CHD8: variants seen among roughly 807,000 people sequenced by gnomAD.
The protein encoded by CHD8 is ATP-dependent chromatin remodeler CHD8.
A neutral mutation model predicts 279.2 loss-of-function variants in CHD8; 31 were observed. The observed-to-expected ratio is 0.11, with a 90% CI of 0.08 to 0.15. The LOEUF is 0.15. Ranked by LOEUF, CHD8 falls within the 10% of genes least tolerant of loss-of-function variation. The pLI, the probability that CHD8 is intolerant of heterozygous loss-of-function variation, is 1.00. For missense variants in CHD8, 2,146 were observed against 3,230.5 expected, an observed-to-expected ratio of 0.66 and a Z score of 8.14; for synonymous variants, 1,081 against 1,139.6, an observed-to-expected ratio of 0.95 and a Z score of 1.04.
In CHD8 at chr14:21,392,545, C is replaced by G. The variant is rs769311687; in HGVS notation, c.6733G>C (p.Gly2245Arg). 5.6e-6 allele frequency: 9 copies of G among 1,613,000 alleles called. 1 individual carries two copies. The South Asian group carries it at 8.8e-5, about 16-fold the overall frequency. ...ACTGTAAACTCCTTTTCATCCATGC[C>G]TCGGCGAAGTTTGGTGAACTGGGCT... ...AAAQFTKLRR[G>R]MDEKEFTVQI... The change falls in exon 34 of 38, where the codon GGC (glycine) becomes CGC (arginine). Residue 2245 changes from glycine to arginine, a missense_variant. Physicochemically the swap from Gly to Arg is moderately radical, Grantham distance 125. Around this residue, in one of 26 missense-constraint regions of CHD8, gnomAD observed 513 missense variants for 637.6 expected, o/e 0.80. Transcript: ENST00000646647.
rs771590165 is a variant in CHD8, at chr14:21,386,100, C to T, written c.7259G>A (p.Arg2420His). The change falls in exon 38 of 38, where the codon CGT becomes CAT. Residue 2420 changes from arginine (R) to histidine (H), a missense_variant. Around this residue, in one of 26 missense-constraint regions of CHD8, gnomAD observed 336 missense variants for 392.9 expected, o/e 0.86. Transcript: ENST00000646647. ...CTTAGAAAGGTCTGGTCGCATCCTA[C>T]GGGCCCGCTTCTTGCTGCTCTCTGG... ...IAPESSKKRA[R>H]RMRPDLSKMM... 1.2e-5 allele frequency: 19 copies of T among 1,559,632 alleles called. No individual in the cohort carries two copies. Among genetic ancestry groups the T allele is most frequent in the Middle Eastern group, 1.7e-4 (1 of 6,024 alleles).
chr14:21,452,782 A>G (rs1196145071), intron 1 of CHD8, among the ~76,000 whole-genome samples: 2 of 151,886 alleles, frequency 1.3e-5, no homozygotes, highest in Non-Finnish European at 2.9e-5. Context: ...TCAGGAGTTA[A>G]AGACCAGCCT....
chr14:21,415,033 T>G (rs757878532), intron 7 of CHD8, 40 bp from the exon 8 acceptor site: 8 of 1,357,214 alleles, frequency 5.9e-6, no homozygotes, highest in Non-Finnish European at 8.2e-6. Context: ...GTCCCTTATT[T>G]GTAAAAGAAT....
chr14:21,406,245 T>A (rs575738889), intron 14 of CHD8, among the ~76,000 whole-genome samples: 1 of 152,370 alleles, frequency 6.6e-6, no homozygotes, highest in East Asian at 1.9e-4. Context: ...ATTAATTTGC[T>A]GCTGTTCCTC....
chr14:21,438,676 T>A (rs1048964308), intron 1 of CHD8, among the ~76,000 whole-genome samples: 1 of 151,022 alleles, frequency 6.6e-6, no homozygotes, highest in Non-Finnish European at 1.5e-5. Flanking sequence ...CTACTAAAAA[T>A]ACAAAAATTA....
At chr14:21,407,057 G>GA (rs1423836303) in intron 13 of CHD8, 25 bp from the exon 14 acceptor site, 1 of 1,526,206 alleles carries the variant, frequency 6.6e-7, no homozygotes, top group Non-Finnish European at 8.8e-7. Flanking sequence ...AGTAAAGTCA[G>GA]AAAAAACCAA....
At chr14:21,388,751 T>C (rs1462662325) in intron 37 of CHD8, among the ~76,000 whole-genome samples, 1 of 152,150 alleles carries the variant, frequency 6.6e-6, no homozygotes, top group African/African-American at 2.4e-5. Context: ...CCCAAAGTGC[T>C]GGGATTACAG....
At chr14:21,401,690 T>C (rs753567591) in intron 20 of CHD8, 177 bp from the exon 21 acceptor site, 4 of 582,032 alleles carry the variant, frequency 6.9e-6, no homozygotes, top group East Asian at 3.0e-5. Flanking sequence ...GTTCAAGTGA[T>C]TCTCCTGCCT....
chr14:21,413,576 G>A (rs1315922603), intron 9 of CHD8: 1 of 153,054 alleles, frequency 6.5e-6, no homozygotes, highest in Admixed American at 6.5e-5. Flanking sequence ...TGTATTTTTA[G>A]TAGAGACGGG....
chr14:21,442,091 A>AAAACTG (rs1889991356), intron 1 of CHD8, among the ~76,000 whole-genome samples: 1 of 152,216 alleles, frequency 6.6e-6, no homozygotes, highest in Admixed American at 6.5e-5. Context: ...AAGGATAGGA[A>AAAACTG]AAACTGCAAG....
At chr14:21,446,799 G>A (rs1890133663) in intron 1 of CHD8, among the ~76,000 whole-genome samples, 1 of 152,086 alleles carries the variant, frequency 6.6e-6, no homozygotes, top group Admixed American at 6.6e-5. Flanking sequence ...TATGCTCTAG[G>A]TTACATGCCC....
intron 1 of CHD8, among the ~76,000 whole-genome samples, chr14:21,435,594 C>T (rs1189692224): frequency 6.6e-6 from 1 of 152,170 alleles, no homozygotes; most frequent in Non-Finnish European, 1.5e-5. Flanking sequence ...CCATCTCAAT[C>T]TCTCCATACC....
intron 5 of CHD8, among the ~76,000 whole-genome samples, chr14:21,418,430 G>A (rs930575128): frequency 3.3e-5 from 5 of 152,158 alleles, no homozygotes; most frequent in Non-Finnish European, 5.9e-5. Context: ...TGAGGCATGA[G>A]GATCACTTGA....
chr14:21,419,177 A>G (rs990964963), intron 5 of CHD8, among the ~76,000 whole-genome samples: 3 of 152,210 alleles, frequency 2.0e-5, no homozygotes, highest in African/African-American at 7.2e-5. Context: ...GATTTTTATC[A>G]CATCCATCAT....
chr14:21,407,508 T>TA lies in CHD8; in HGVS notation c.2731-477dup, dbSNP rs556045195. ...ATGAAAAGATGTGATTTGGTAGAAA[T>TA]AAAAAAAAGAAAACTAATAGAGAAA... is the stretch of plus-strand genomic sequence containing the variant. On this transcript the variant is annotated intron_variant, in intron 13 of 37. Coordinates refer to ENST00000646647, the MANE Select transcript of CHD8 (RefSeq NM_001170629.2). 3.1e-3 allele frequency among the ~76,000 whole-genome samples: 474 copies of TA among 151,918 alleles called. 2 individuals are homozygous for TA. Among genetic ancestry groups the TA allele is most frequent in the Admixed American group, 4.6e-3 (71 of 15,270 alleles).
rs1383175266 is a variant in CHD8, at chr14:21,405,569, T to C, written c.3052-105A>G. 2.7e-6 allele frequency: 4 copies of C among 1,495,560 alleles called. No individual in the cohort carries two copies. In the African/African-American group the frequency reaches 5.6e-5, roughly 21 times the overall value. 92.6% of individuals were successfully genotyped at this position (1,495,560 alleles called of 1,614,324 possible). A position where few individuals can be genotyped will look rare whatever the true frequency, so the allele number is the denominator to read the frequency against. The stretch of plus-strand genomic sequence containing the variant: ...TTAGAGTTTTCCACTATCTAAGAAA[T>C]GTATACTTTGGATGATGCCACAAAT... On this transcript the variant is annotated intron_variant, in intron 15 of 37. Transcript: ENST00000646647. The surrounding 1 kb of genome is among the most constrained non-coding windows in gnomAD (Gnocchi z 4.2).
intron 1 of CHD8, among the ~76,000 whole-genome samples, chr14:21,440,841 ACT>A (rs1242448935): frequency 1.3e-5 from 2 of 152,120 alleles, no homozygotes; most frequent in Non-Finnish European, 2.9e-5. Flanking sequence ...TGGTTAGCTA[ACT>A]CTGGCTCTAG....
At chr14:21,448,895 C>T (rs1004242700) in intron 1 of CHD8, among the ~76,000 whole-genome samples, 1 of 143,412 alleles carries the variant, frequency 7.0e-6, no homozygotes, top group Non-Finnish European at 1.5e-5. Context: ...GGAGGCTGGG[C>T]TGGGCACGGT....
rs1888206170 is a variant in CHD8, at chr14:21,405,132, T to C, written c.3307+77A>G. Reference sequence around the variant, plus strand: ...TAGGTTGGTTGAGTCAATGCATCCATTGTCCCCAAGGAGAATCATCCGGAA... The same window carrying C: ...TAGGTTGGTTGAGTCAATGCATCCACTGTCCCCAAGGAGAATCATCCGGAA... On this transcript the variant is annotated intron_variant, in intron 16 of 37. Coordinates refer to ENST00000646647, the MANE Select transcript of CHD8 (RefSeq NM_001170629.2). This position sits in a 1 kb window ranked among gnomAD's most constrained non-coding sequence, Gnocchi z 4.2. The C allele has an allele frequency of 1.4e-6, 2 of 1,468,292 alleles. No homozygotes were observed. The highest frequency in any genetic ancestry group is 1.9e-6 in the Non-Finnish European group (2 of 1,068,450). 91.0% of individuals were successfully genotyped at this position (1,468,292 alleles called of 1,614,324 possible).
Sources: gnomAD v4.1 joint callset for allele counts (sites outside exome capture counted in the v4.1 genomes callset) on GRCh38, gnomAD v4.1.1 for gene constraint, gnomAD v4.1.1 regional missense constraint, Gnocchi (gnomAD v3.1) non-coding constraint, MANE v1.5 for transcripts, NCBI Gene and HGNC (gene_info 2026-07-23, HGNC 2026-07-21) for gene names.